Variants in SEPTIN9 observed in about 807,000 individuals in gnomAD.
SEPTIN9 encodes the protein septin 9.
SEPTIN9 carries 13 observed loss-of-function variants against 56.6 expected under a neutral mutation model. The ratio of observed to expected loss-of-function variants is 0.23; its 90% CI spans 0.15 to 0.37. The LOEUF (loss-of-function observed/expected upper bound fraction) is 0.37, where lower values mean the gene tolerates loss of function less well. Among genes scored for constraint, SEPTIN9 ranks in the 10% least tolerant of loss-of-function variants. The pLI, the probability that SEPTIN9 is intolerant of heterozygous loss-of-function variation, is 1.00. For synonymous variants in SEPTIN9, 332 were observed against 334.1 expected (o/e 0.99, Z 0.07); for missense variants, 650 against 823.1 (o/e 0.79, Z 2.57).
Position 77,317,037 on chromosome 17 carries a change from G to T in SEPTIN9, c.76+9840G>T, listed in dbSNP as rs2143639386. 6.6e-6 allele frequency among the ~76,000 whole-genome samples: 1 copy of T among 152,338 alleles called. No individual in the cohort carries two copies. The highest frequency in any genetic ancestry group is 2.1e-4 in the South Asian group (1 of 4,828). On this transcript the variant is annotated intron_variant, in intron 2 of 11. Transcript: ENST00000427177. This position sits in a 1 kb window ranked among gnomAD's most constrained non-coding sequence, Gnocchi z 4.2. ...CGATTCCTGCCCATCGGAGTCAGTG[G>T]TTGTTAGTGGTTGGCTTAACACAAT...
At chr17:77,460,619 G>C (rs2038426488) in intron 3 of SEPTIN9, among the ~76,000 whole-genome samples, 1 of 152,174 alleles carries the variant, frequency 6.6e-6, no homozygotes, top group Non-Finnish European at 1.5e-5. Context: ...AAATGGCCCA[G>C]GAAACCGCGG....
Position 77,310,751 on chromosome 17 carries a change from T to C in SEPTIN9, c.76+3554T>C, listed in dbSNP as rs1447084765. 6.6e-6 allele frequency among the ~76,000 whole-genome samples: 1 copy of C among 152,274 alleles called. No homozygotes were observed. Among genetic ancestry groups the C allele is most frequent in the African/African-American group, 2.4e-5 (1 of 41,568 alleles). On this transcript the variant is annotated intron_variant, in intron 2 of 11. Transcript: ENST00000427177. This position sits in a 1 kb window ranked among gnomAD's most constrained non-coding sequence, Gnocchi z 4.7. ...CTGAGCGTCCAGCGGACTTTTGCCC[T>C]GTTTCCCACGGTGCACGGAGCATTT...
At chr17:77,484,430 ATGGTGATGG>A (rs199898548) in intron 4 of SEPTIN9, among the ~76,000 whole-genome samples, 69,880 of 128,478 alleles carry the variant, frequency 0.54, 20,446 homozygotes, top group African/African-American at 0.75. Context: ...GATGTGGGTG[ATGGTGATGG>A]TGGTGATGGT....
At chr17:77,376,477 G>A (rs894476222) in intron 2 of SEPTIN9, 21 of 851,332 alleles carry the variant, frequency 2.5e-5, no homozygotes, top group Middle Eastern at 5.9e-4. Flanking sequence ...TGAGGCCAGC[G>A]GATGTGGGTG....
At chr17:77,366,867 G>A (rs1487365686) in intron 2 of SEPTIN9, among the ~76,000 whole-genome samples, 1 of 152,232 alleles carries the variant, frequency 6.6e-6, no homozygotes, top group Non-Finnish European at 1.5e-5. Flanking sequence ...CTGTGCTGAA[G>A]GCCAGGAGCC....
At chr17:77,309,245 G>C (rs2032387214) in intron 2 of SEPTIN9, among the ~76,000 whole-genome samples, 1 of 152,246 alleles carries the variant, frequency 6.6e-6, no homozygotes, top group African/African-American at 2.4e-5. Context: ...GTTCTGTGCT[G>C]TCAGCACTTG....
chr17:77,314,958 TG>T (rs1304138714), intron 2 of SEPTIN9, among the ~76,000 whole-genome samples: 1 of 152,200 alleles, frequency 6.6e-6, no homozygotes, highest in Non-Finnish European at 1.5e-5. Context: ...GAACTGGACC[TG>T]GCTCCTACTG....
At chr17:77,478,803 T>TAAAA (rs528548050) in intron 3 of SEPTIN9, among the ~76,000 whole-genome samples, 3 of 102,690 alleles carry the variant, frequency 2.9e-5, no homozygotes, top group Non-Finnish European at 6.7e-5. Flanking sequence ...AAACTCTGTC[T>TAAAA]AAAAAAAAAA....
chr17:77,343,186 G>A (rs1010666195), intron 2 of SEPTIN9, among the ~76,000 whole-genome samples: 7 of 152,164 alleles, frequency 4.6e-5, no homozygotes, highest in Admixed American at 3.3e-4. Flanking sequence ...TGGTTGCCAG[G>A]GGACCCAGCC....
At chr17:77,454,173 G>T (rs1303042564) in intron 3 of SEPTIN9, 2 of 985,414 alleles carry the variant, frequency 2.0e-6, no homozygotes, top group East Asian at 2.3e-4. Flanking sequence ...ACAGAGCATC[G>T]ATACCACCTG....
At chr17:77,488,429 C>T in intron 6 of SEPTIN9, 108 bp downstream of exon 6, 2 of 1,006,976 alleles carry the variant, frequency 2.0e-6, no homozygotes, top group Non-Finnish European at 3.1e-6. Context: ...GCAGGGCCCA[C>T]CTCCTGGGAC....
intron 2 of SEPTIN9, among the ~76,000 whole-genome samples, chr17:77,395,591 A>G (rs1027036970): frequency 3.3e-5 from 5 of 151,774 alleles, no homozygotes; most frequent in South Asian, 2.1e-4. Flanking sequence ...AGTGATCCCC[A>G]TGTAGTATAA....
rs1352583303 is a variant in SEPTIN9 at position 77,310,786 on chromosome 17, G to A, written c.76+3589G>A. 6.6e-6 allele frequency among the ~76,000 whole-genome samples: 1 copy of A among 152,104 alleles called. No individual in the cohort carries two copies. Among genetic ancestry groups the A allele is most frequent in the Non-Finnish European group, 1.5e-5 (1 of 68,032 alleles). On this transcript the variant is annotated intron_variant, in intron 2 of 11. Coordinates refer to ENST00000427177, the MANE Select transcript of SEPTIN9 (RefSeq NM_001113491.2). This position sits in a 1 kb window ranked among gnomAD's most constrained non-coding sequence, Gnocchi z 4.7. ...GGTGCACGGAGCATTTCATCTCAGT[G>A]GTGCCTGAGCTTCCCTCCCTCTGGC... is the stretch of plus-strand genomic sequence containing the variant.
intron 2 of SEPTIN9, among the ~76,000 whole-genome samples, chr17:77,339,256 A>G (rs1478616426): frequency 6.6e-6 from 1 of 152,168 alleles, no homozygotes; most frequent in African/African-American, 2.4e-5. Flanking sequence ...TTTTCAATTT[A>G]CTTTGCCCAG....
intron 2 of SEPTIN9, among the ~76,000 whole-genome samples, chr17:77,347,292 C>A (rs981254027): frequency 6.6e-6 from 1 of 151,362 alleles, no homozygotes; most frequent in Non-Finnish European, 1.5e-5. Flanking sequence ...GCAGGAGAAT[C>A]GCTTGAACCC....
intron 2 of SEPTIN9, among the ~76,000 whole-genome samples, chr17:77,357,910 G>A (rs1298195140): frequency 1.3e-5 from 2 of 152,266 alleles, no homozygotes; most frequent in East Asian, 1.9e-4. Flanking sequence ...AACACTGTGC[G>A]ACCCTCAGCA....
intron 2 of SEPTIN9, chr17:77,373,285 C>T (rs1398212337): frequency 8.4e-6 from 8 of 955,562 alleles, no homozygotes; most frequent in Non-Finnish European, 1.0e-5. Context: ...GAGGCGGGGG[C>T]GGGGCGGGGG....
At position 77,488,635 on chromosome 17, in the gene SEPTIN9, G is replaced by A; in HGVS notation, c.1125-92G>A. 4 of 1,537,424 alleles carry A rather than the reference G, an allele frequency of 2.6e-6. No homozygotes were observed. In the South Asian group the frequency reaches 3.4e-5, roughly 13 times the overall value. On this transcript the variant is annotated intron_variant, in intron 6 of 11. Transcript: ENST00000427177. ...CCCAGGGCATGCATTTCATTGGAAG[G>A]TGGGGTGTTGGGCTCTGAGTCCTGG...
At chr17:77,282,201 C>T (rs1246830876) in intron 1 of SEPTIN9, among the ~76,000 whole-genome samples, 4 of 152,194 alleles carry the variant, frequency 2.6e-5, no homozygotes, top group African/African-American at 4.8e-5. Context: ...AAGAGGCTCC[C>T]GCTCTGGCAC....
Sources: gnomAD v4.1 joint callset for allele counts (sites outside exome capture counted in the v4.1 genomes callset) on GRCh38, gnomAD v4.1.1 for gene constraint, Gnocchi (gnomAD v3.1) non-coding constraint, MANE v1.5 for transcripts, NCBI Gene and HGNC (gene_info 2026-07-23, HGNC 2026-07-21) for gene names.